POM121C: variants seen among roughly 807,000 people sequenced by gnomAD.
POM121C encodes the protein nuclear envelope pore membrane protein POM 121C.
Under a neutral mutation model 66.4 loss-of-function variants are expected in POM121C, and 20 were observed. The observed-to-expected ratio is 0.30, with a 90% CI of 0.21 to 0.44. The LOEUF (loss-of-function observed/expected upper bound fraction) is 0.44, where lower values mean the gene tolerates loss of function less well. POM121C is among the 20% of genes least tolerant of loss of function. The pLI, the probability that POM121C is intolerant of heterozygous loss-of-function variation, is 1.00. For synonymous variants in POM121C, 286 were observed against 528.0 expected (o/e 0.54, Z 6.28); for missense variants, 580 against 1,225.7 (o/e 0.47, Z 7.87).
chr7:75,441,239 G>C, intron 4 of POM121C, 124 bp from the exon 5 acceptor site: 1 of 1,457,686 alleles, frequency 6.9e-7, no homozygotes. Context: ...GTTCCCCTTA[G>C]CAAGTAAAGC....
chr7:75,480,601 G>A lies in POM121C; in HGVS notation c.-458+5263C>T, dbSNP rs1165362035. Among the ~76,000 whole-genome samples, 3 of 152,042 alleles carry A rather than the reference G, an allele frequency of 2.0e-5. No individual in the cohort carries two copies. The East Asian group carries it at 5.8e-4, about 29-fold the overall frequency. Reference sequence around the variant, plus strand: ...CTGTTCTGAGCCATAAATTTAAGAGGTTCCATGTAGCATTCCAGACAAAAA... The same window carrying A: ...CTGTTCTGAGCCATAAATTTAAGAGATTCCATGTAGCATTCCAGACAAAAA... On this transcript the variant is annotated intron_variant, in intron 1 of 14. Transcript: ENST00000615331.
intron 3 of POM121C, among the ~76,000 whole-genome samples, chr7:75,466,913 G>T (rs1791674082): frequency 6.6e-6 from 1 of 152,202 alleles, no homozygotes; most frequent in African/African-American, 2.4e-5. Context: ...AAAAGACCCA[G>T]AGATCAAATG....
chr7:75,479,921 C>A (rs1208151567), intron 1 of POM121C, among the ~76,000 whole-genome samples: 4 of 151,864 alleles, frequency 2.6e-5, no homozygotes, highest in African/African-American at 9.7e-5. Context: ...AAAAAATTCT[C>A]AACTAATCAA....
chr7:75,469,865 C>G (rs587741589), intron 3 of POM121C, among the ~76,000 whole-genome samples: 47 of 152,316 alleles, frequency 3.1e-4, no homozygotes, highest in Middle Eastern at 3.4e-3. Context: ...ATCAGTGAGT[C>G]CTTTCTCAAC....
rs1273165141 is a variant in POM121C, at chr7:75,470,988, T to C, written c.-152+3716A>G. ...CTCATTTTTTTAAATGGAAGCACAA[T>C]CTGAAAAAGGAATAAAACCCAAAGA... is the stretch of plus-strand genomic sequence containing the variant. On this transcript the variant is annotated intron_variant, in intron 3 of 14. Transcript: ENST00000615331. Among the ~76,000 whole-genome samples, 3 of 151,608 alleles carry C rather than the reference T, an allele frequency of 2.0e-5. No individual in the cohort carries two copies. The East Asian group carries it at 5.8e-4, about 29-fold the overall frequency.
At chr7:75,442,115 G>A in intron 3 of POM121C, 2 of 1,371,072 alleles carry the variant, frequency 1.5e-6, no homozygotes, top group Non-Finnish European at 1.9e-6. Flanking sequence ...CCGAGCCAGA[G>A]GATGATCTGG....
At chr7:75,470,653 G>C (rs1791835505) in intron 3 of POM121C, among the ~76,000 whole-genome samples, 1 of 150,858 alleles carries the variant, frequency 6.6e-6, no homozygotes, top group Non-Finnish European at 1.5e-5. Flanking sequence ...TTTTTTTTGA[G>C]AAAGGGTCTC....
chr7:75,442,494 A>C, intron 3 of POM121C: 5 of 1,417,846 alleles, frequency 3.5e-6, no homozygotes, highest in Non-Finnish European at 4.6e-6. Context: ...AAGGGGCGCG[A>C]ACCTCGGGGC....
intron 3 of POM121C, among the ~76,000 whole-genome samples, chr7:75,472,156 G>A (rs587746077): frequency 2.1e-3 from 325 of 151,868 alleles, no homozygotes; most frequent in African/African-American, 7.6e-3. Flanking sequence ...AAAGTGCTGG[G>A]ATTACAGGCA....
At position 75,417,182 on chromosome 7, in the gene POM121C, G is replaced by C; in HGVS notation, c.*1614C>G. 1 of 976,158 alleles carries C rather than the reference G, an allele frequency of 1.0e-6. No individual in the cohort carries two copies. Among genetic ancestry groups the C allele is most frequent in the African/African-American group, 1.7e-5 (1 of 57,178 alleles). 60.5% of individuals were successfully genotyped at this position (976,158 alleles called of 1,614,324 possible). ...TAACACTCGCCCTCAGTCACAACGG[G>C]GAGGGGGCACCGGTTACATCTACAT... On this transcript the variant is annotated 3_prime_UTR_variant, in exon 15 of 15. Coordinates refer to ENST00000615331, the MANE Select transcript of POM121C (RefSeq NM_001099415.3).
At position 75,418,583 on chromosome 7, in the gene POM121C, T is replaced by C. The variant is rs1413505143; in HGVS notation, c.*213A>G. 1.3e-5 allele frequency: 17 copies of C among 1,344,942 alleles called. No homozygotes were observed. Among genetic ancestry groups the C allele is most frequent in the Admixed American group, 3.2e-5 (1 of 31,056 alleles). 83.3% of individuals were successfully genotyped at this position (1,344,942 alleles called of 1,614,324 possible). On this transcript the variant is annotated 3_prime_UTR_variant, in exon 15 of 15. Coordinates refer to ENST00000615331, the MANE Select transcript of POM121C (RefSeq NM_001099415.3). ...ACTGTTCAAGTAGAGGTCCCGGGCT[T>C]TGGCCCTCCGCATCCTGCTTCCCCT...
chr7:75,417,210 C>T lies in POM121C; in HGVS notation c.*1586G>A. 1 of 956,860 alleles carries T rather than the reference C, an allele frequency of 1.0e-6. No homozygotes were observed. 59.3% of individuals were successfully genotyped at this position (956,860 alleles called of 1,614,324 possible). A position where few individuals can be genotyped will look rare whatever the true frequency, so the allele number is the denominator to read the frequency against. ...GGGGGCACCGGTTACATCTACATCA[C>T]ATTATTTATAAAATAAGAATTACAT... On this transcript the variant is annotated 3_prime_UTR_variant, in exon 15 of 15. Coordinates refer to ENST00000615331, the MANE Select transcript of POM121C (RefSeq NM_001099415.3).
Position 75,441,418 on chromosome 7 carries a change from A to T in POM121C, c.65+14T>A, listed in dbSNP as rs1554473965. The T allele has an allele frequency of 2.5e-6, 4 of 1,613,450 alleles. No homozygotes were observed. The highest frequency in any genetic ancestry group is 1.7e-6 in the Non-Finnish European group (2 of 1,179,662). ...CACGAAAAGGGAGAGTATTCTTCCAACGATAATACTCACATCGCAGAACGT... is the reference window on the plus strand; with the variant it reads ...CACGAAAAGGGAGAGTATTCTTCCATCGATAATACTCACATCGCAGAACGT... On this transcript the variant is annotated intron_variant, in intron 4 of 14. Transcript: ENST00000615331.
At position 75,479,617 on chromosome 7, in the gene POM121C, AAAT is replaced by A. The variant is rs1584720479; in HGVS notation, c.-457-4432_-457-4430del. On this transcript the variant is annotated intron_variant, in intron 1 of 14. Coordinates refer to ENST00000615331, the MANE Select transcript of POM121C (RefSeq NM_001099415.3). ...GGGGACAGAGTGAGACTCTGTCTCT[AAAT>A]AAATAAATAAATAAATAAATAAATA... Among the ~76,000 whole-genome samples the A allele has an allele frequency of 0.04, 1,438 of 36,332 alleles. 32 individuals are homozygous for A. The East Asian group carries it at 0.4, about 10-fold the overall frequency. The allele number at this position is 36,332 out of a possible 152,430, so 23.8% of individuals were successfully genotyped here.
intron 1 of POM121C, among the ~76,000 whole-genome samples, chr7:75,483,425 C>T (rs1792387729): frequency 6.6e-6 from 1 of 152,128 alleles, no homozygotes; most frequent in Admixed American, 6.5e-5. Context: ...TTGTAATCCC[C>T]AATGTTCCCT....
At chr7:75,450,293 G>A (rs1200335361) in intron 3 of POM121C, among the ~76,000 whole-genome samples, 1 of 151,476 alleles carries the variant, frequency 6.6e-6, no homozygotes, top group Non-Finnish European at 1.5e-5. Context: ...ATTCCTCTGA[G>A]AAAGCAGGAA....
chr7:75,480,021 G>A (rs1257929037), intron 1 of POM121C, among the ~76,000 whole-genome samples: 4 of 149,582 alleles, frequency 2.7e-5, no homozygotes, highest in South Asian at 2.1e-4. Flanking sequence ...AACCTAACTC[G>A]TTTTATCAAT....
intron 3 of POM121C, among the ~76,000 whole-genome samples, chr7:75,472,161 C>T (rs62477684): frequency 0.36 from 53,913 of 151,142 alleles, 12,439 homozygotes; most frequent in East Asian, 0.88. Context: ...GCTGGGATTA[C>T]AGGCATGAGC....
At chr7:75,477,004 T>TTATG (rs1465608058) in intron 1 of POM121C, among the ~76,000 whole-genome samples, 11 of 152,062 alleles carry the variant, frequency 7.2e-5, no homozygotes. Context: ...AACATCAATA[T>TTATG]TATATACACA....
Sources: gnomAD v4.1 joint callset for allele counts (sites outside exome capture counted in the v4.1 genomes callset) on GRCh38, gnomAD v4.1.1 for gene constraint, MANE v1.5 for transcripts, NCBI Gene and HGNC (gene_info 2026-07-23, HGNC 2026-07-21) for gene names.